The following SEC24B variants were observed in gnomAD, a reference collection of about 807,000 sequenced individuals.
SEC24B encodes the protein SEC24 homolog B, COPII component, also known as protein transport protein Sec24B.
SEC24B carries 45 observed loss-of-function variants against 142.8 expected under a neutral mutation model. The ratio of observed to expected loss-of-function variants is 0.32; its 90% CI spans 0.25 to 0.40. SEC24B has a LOEUF of 0.40. Among genes scored for constraint, SEC24B ranks in the 10% least tolerant of loss-of-function variants. SEC24B has a pLI of 1.00. For missense variants in SEC24B, 1,409 were observed against 1,526.8 expected, an observed-to-expected ratio of 0.92 and a Z score of 1.29; for synonymous variants, 574 against 568.2, an observed-to-expected ratio of 1.01 and a Z score of -0.15.
chr4:109,442,726 CA>C (rs1466476566), intron 1 of SEC24B, among the ~76,000 whole-genome samples: 1 of 152,112 alleles, frequency 6.6e-6, no homozygotes, highest in East Asian at 1.9e-4. Context: ...CAGGAGTAGT[CA>C]AATTAGAGAT....
intron 11 of SEC24B, among the ~76,000 whole-genome samples, chr4:109,517,967 ATTTATTTATTTAT>A (rs1723147277): frequency 1.3e-5 from 2 of 150,910 alleles, no homozygotes; most frequent in African/African-American, 4.9e-5. Context: ...TTATTTATTT[ATTTATTTATTTAT>A]TTTTTGAGAC....
chr4:109,466,052 C>A (rs769965177), intron 2 of SEC24B, among the ~76,000 whole-genome samples: 59 of 149,312 alleles, frequency 4.0e-4, no homozygotes, highest in Middle Eastern at 3.4e-3. Flanking sequence ...TGCTTCATTT[C>A]AAAAAAAAAG....
At chr4:109,520,342 T>C in intron 11 of SEC24B, 24 bp from the exon 12 acceptor site, 1 of 1,405,224 alleles carries the variant, frequency 7.1e-7, no homozygotes, top group South Asian at 1.2e-5. Context: ...ACTCTGAATT[T>C]AAAATTGTCA....
chr4:109,509,877 C>T (rs759789996), intron 7 of SEC24B, 132 bp from the exon 8 acceptor site: 13 of 528,988 alleles, frequency 2.5e-5, no homozygotes, highest in Non-Finnish European at 4.3e-5. Flanking sequence ...TCAGGACCTT[C>T]TTGCTTACAG....
intron 3 of SEC24B, among the ~76,000 whole-genome samples, chr4:109,480,857 C>T (rs1733667102): frequency 6.6e-6 from 1 of 152,174 alleles, no homozygotes; most frequent in South Asian, 2.1e-4. Flanking sequence ...CTCATTCTAT[C>T]AGATCAAATA....
chr4:109,462,164 C>T (rs952068938), intron 1 of SEC24B, among the ~76,000 whole-genome samples: 2 of 152,114 alleles, frequency 1.3e-5, no homozygotes, highest in African/African-American at 4.8e-5. Flanking sequence ...CCATCGCGCT[C>T]TATAGCCATC....
chr4:109,463,602 A>G lies in SEC24B; in HGVS notation c.835A>G (p.Thr279Ala). The change falls in exon 2 of 24, where the codon ACA (threonine) becomes GCA (alanine). Residue 279 changes from threonine (T) to alanine (A), a missense_variant. By Grantham distance (58) the Thr-to-Ala change is moderately conservative (BLOSUM62 0). Transcript: ENST00000265175. ...TCAAGACAATCTCATCCGAAACCAC[A>G]CAGGATCCCTGGCTGTAGCGAACAA... ...STQDNLIRNH[T>A]GSLAVANNNP... The G allele has an allele frequency of 6.2e-7, 1 of 1,614,056 alleles. No homozygotes were observed.
At chr4:109,522,740 A>G (rs1723784476) in intron 14 of SEC24B, among the ~76,000 whole-genome samples, 1 of 152,318 alleles carries the variant, frequency 6.6e-6, no homozygotes, top group East Asian at 1.9e-4. Context: ...GCATAATTGG[A>G]CATCATACGT....
Position 109,531,413 on chromosome 4 carries a change from G to A in SEC24B, c.3281G>A (p.Arg1094Gln), listed in dbSNP as rs746235703. ...GCATTTAGAACGGGTACAAGCACAC[G>A]GCTGGATGATCGTGTATATGCCATG... is the stretch of plus-strand genomic sequence containing the variant. ...QKAFRTGTST[R>Q]LDDRVYAMCQ... Residue 1094 changes from arginine (R) to glutamine (Q), a missense_variant, in exon 20 of 24, where the codon CGG (arginine) becomes CAG (glutamine). Coordinates refer to ENST00000265175, the MANE Select transcript of SEC24B (RefSeq NM_006323.5). 4.3e-6 allele frequency: 7 copies of A among 1,613,274 alleles called. No individual in the cohort carries two copies. The highest frequency in any genetic ancestry group is 1.1e-5 in the South Asian group (1 of 91,012).
chr4:109,501,634 C>T (rs1425951623), intron 6 of SEC24B, among the ~76,000 whole-genome samples: 1 of 152,148 alleles, frequency 6.6e-6, no homozygotes, highest in Non-Finnish European at 1.5e-5. Flanking sequence ...CCATGTCCAC[C>T]TTAATTTTTG....
chr4:109,445,058 G>A (rs1169309432), intron 1 of SEC24B, among the ~76,000 whole-genome samples: 27 of 151,890 alleles, frequency 1.8e-4, no homozygotes, highest in Admixed American at 1.8e-3. Flanking sequence ...TGAGTAGCTG[G>A]GACTACAGGT....
chr4:109,467,194 C>T (rs1048614272), intron 2 of SEC24B, among the ~76,000 whole-genome samples: 9 of 151,254 alleles, frequency 6.0e-5, no homozygotes, highest in South Asian at 2.1e-4. Flanking sequence ...GGCGTGGTAG[C>T]GGGCGCCTGT....
At chr4:109,435,798 C>T (rs1358348357) in intron 1 of SEC24B, among the ~76,000 whole-genome samples, 2 of 152,168 alleles carry the variant, frequency 1.3e-5, no homozygotes, top group Non-Finnish European at 2.9e-5. Context: ...GCAGATGAGA[C>T]AGAGTCCCTG....
chr4:109,526,149 T>C, intron 16 of SEC24B, 77 bp from the exon 17 acceptor site: 3 of 1,363,436 alleles, frequency 2.2e-6, no homozygotes, highest in Non-Finnish European at 3.1e-6. Flanking sequence ...TAAACATCTT[T>C]GACTTAAAAA....
intron 6 of SEC24B, among the ~76,000 whole-genome samples, chr4:109,503,392 A>G (rs530419446): frequency 1.3e-5 from 2 of 151,752 alleles, no homozygotes; most frequent in Admixed American, 6.6e-5. Flanking sequence ...CACCCAGCTA[A>G]TTTTTCAATT....
intron 4 of SEC24B, among the ~76,000 whole-genome samples, chr4:109,482,774 A>G (rs1440474685): frequency 6.7e-6 from 1 of 149,802 alleles, no homozygotes; most frequent in Non-Finnish European, 1.5e-5. Flanking sequence ...CATAGCTGAG[A>G]CTACAGGCCA....
At chr4:109,452,916 G>A (rs1183918871) in intron 1 of SEC24B, among the ~76,000 whole-genome samples, 5 of 152,090 alleles carry the variant, frequency 3.3e-5, no homozygotes, top group Non-Finnish European at 4.4e-5. Flanking sequence ...GGGGGAACCC[G>A]CCTCCAATAA....
At chr4:109,521,349 A>C in intron 13 of SEC24B, 71 bp from the exon 14 acceptor site, 1 of 1,321,320 alleles carries the variant, frequency 7.6e-7, no homozygotes, top group Non-Finnish European at 1.1e-6. Flanking sequence ...ATGATACACT[A>C]TGGAATGTTT....
chr4:109,480,129 CTT>C (rs1733586391), intron 3 of SEC24B, among the ~76,000 whole-genome samples: 1 of 152,026 alleles, frequency 6.6e-6, no homozygotes, highest in African/African-American at 2.4e-5. Context: ...TTTTCCATGA[CTT>C]TTTTTAGTCA....
Sources: gnomAD v4.1 joint callset for allele counts (sites outside exome capture counted in the v4.1 genomes callset) on GRCh38, gnomAD v4.1.1 for gene constraint, MANE v1.5 for transcripts, NCBI Gene and HGNC (gene_info 2026-07-23, HGNC 2026-07-21) for gene names.